The following LRP1B variants were observed in gnomAD, a reference collection of about 807,000 sequenced individuals.
LRP1B encodes the protein LDL receptor related protein 1B.
In LRP1B, 217 loss-of-function variants were observed where a neutral mutation model predicts 556.6. That is an observed-to-expected ratio of 0.39 (90% CI 0.35 to 0.44). The LOEUF is 0.44. LRP1B is among the 20% of genes least tolerant of loss of function. The probability of loss-of-function intolerance (pLI) is 1.00; values close to 1 mark genes in which losing one functional copy is unlikely to be tolerated. For synonymous variants in LRP1B, 2,047 were observed against 1,865.8 expected (o/e 1.10, Z -2.50); for missense variants, 5,053 against 5,620.8 (o/e 0.90, Z 3.23).
intron 72 of LRP1B, among the ~76,000 whole-genome samples, chr2:140,364,115 A>G (rs980231408): frequency 6.6e-6 from 1 of 151,648 alleles, no homozygotes; most frequent in Non-Finnish European, 1.5e-5. Context: ...ACTTTTGTTA[A>G]GACTTTTTAA....
chr2:141,008,736 CAT>C (rs1697652522), intron 14 of LRP1B, among the ~76,000 whole-genome samples: 1 of 151,776 alleles, frequency 6.6e-6, no homozygotes, highest in South Asian at 2.1e-4. Context: ...TAGTGCCCAG[CAT>C]AGAGTGTGTT....
intron 5 of LRP1B, among the ~76,000 whole-genome samples, chr2:141,239,074 A>G (rs1683765647): frequency 6.6e-6 from 1 of 152,102 alleles, no homozygotes; most frequent in Non-Finnish European, 1.5e-5. Flanking sequence ...AAATCAATAA[A>G]AAGATGTCTA....
At chr2:140,233,904 A>C (rs1680579138) in intron 90 of LRP1B, among the ~76,000 whole-genome samples, 1 of 151,362 alleles carries the variant, frequency 6.6e-6, no homozygotes, top group Non-Finnish European at 1.5e-5. Flanking sequence ...AAGAATTGTG[A>C]TGTACACAGT....
intron 5 of LRP1B, among the ~76,000 whole-genome samples, chr2:141,235,013 T>C (rs957783545): frequency 3.9e-5 from 6 of 152,102 alleles, no homozygotes; most frequent in Admixed American, 2.0e-4. Flanking sequence ...AAAAGCTCTT[T>C]ACCAAAATGA....
intron 18 of LRP1B, among the ~76,000 whole-genome samples, chr2:140,973,159 C>T (rs2105332129): frequency 6.7e-6 from 1 of 150,348 alleles, no homozygotes; most frequent in East Asian, 2.0e-4. Context: ...ATCATACACT[C>T]AATATAATAG....
intron 1 of LRP1B, among the ~76,000 whole-genome samples, chr2:142,067,322 C>T (rs1477475944): frequency 6.6e-6 from 1 of 151,302 alleles, no homozygotes; most frequent in East Asian, 1.9e-4. Context: ...ATTTATTCTG[C>T]CTACCATGAG....
At chr2:140,683,644 C>T (rs1031789912) in intron 41 of LRP1B, 4 of 692,532 alleles carry the variant, frequency 5.8e-6, no homozygotes, top group Middle Eastern at 2.6e-4. Context: ...GTATTCCATC[C>T]GAGTCCTCCG....
chr2:140,948,087 T>C (rs1008489669), intron 20 of LRP1B, among the ~76,000 whole-genome samples: 18 of 152,154 alleles, frequency 1.2e-4, no homozygotes, highest in African/African-American at 4.1e-4. Flanking sequence ...AAGCAATCTT[T>C]TAAAAATTTC....
At chr2:141,914,778 GA>G (rs1179448088) in intron 1 of LRP1B, among the ~76,000 whole-genome samples, 1 of 151,922 alleles carries the variant, frequency 6.6e-6, no homozygotes, top group East Asian at 1.9e-4. Context: ...ACACACCTAG[GA>G]ATACATCTAA....
At chr2:141,353,581 G>A (rs1303637988) in intron 3 of LRP1B, among the ~76,000 whole-genome samples, 1 of 151,810 alleles carries the variant, frequency 6.6e-6, no homozygotes, top group African/African-American at 2.4e-5. Context: ...TAAGCATTGG[G>A]AACTGTGAAT....
intron 1 of LRP1B, among the ~76,000 whole-genome samples, chr2:141,951,017 T>A (rs1029268190): frequency 2.6e-5 from 4 of 152,162 alleles, no homozygotes; most frequent in Non-Finnish European, 5.9e-5. Context: ...AGAACTGATT[T>A]CTGTACAGTA....
At chr2:141,167,307 ATCT>A (rs2105129978) in intron 7 of LRP1B, 1 of 152,044 alleles carries the variant, frequency 6.6e-6, no homozygotes, top group Admixed American at 6.6e-5. Context: ...AGACAGAAGA[ATCT>A]TCTTTGTATC....
At chr2:141,853,853 G>A (rs1697950696) in intron 1 of LRP1B, among the ~76,000 whole-genome samples, 1 of 151,840 alleles carries the variant, frequency 6.6e-6, no homozygotes, top group South Asian at 2.1e-4. Flanking sequence ...TTTGAGTATT[G>A]GCACATTTAT....
intron 1 of LRP1B, among the ~76,000 whole-genome samples, chr2:141,845,854 A>G (rs1697628039): frequency 6.6e-6 from 1 of 151,968 alleles, no homozygotes; most frequent in South Asian, 2.1e-4. Context: ...AAAGAAAACA[A>G]TTACTTTTTA....
At chr2:141,748,459 G>A (rs1278402032) in intron 2 of LRP1B, among the ~76,000 whole-genome samples, 1 of 152,144 alleles carries the variant, frequency 6.6e-6, no homozygotes, top group Admixed American at 6.6e-5. Context: ...AAGATAATAA[G>A]TGTAGCTTCT....
At chr2:141,234,173 G>GT (rs146076579) in intron 5 of LRP1B, among the ~76,000 whole-genome samples, 16,625 of 150,218 alleles carry the variant, frequency 0.11, 1,017 homozygotes, top group East Asian at 0.16. Flanking sequence ...ATTGAAAGAG[G>GT]TTTTTTTTTC....
chr2:141,112,763 A>G (rs1292051548), intron 7 of LRP1B, among the ~76,000 whole-genome samples: 1 of 152,214 alleles, frequency 6.6e-6, no homozygotes, highest in Admixed American at 6.5e-5. Flanking sequence ...TGTCTAGGTA[A>G]CTTTACTGAA....
At chr2:141,868,794 G>T (rs563021062) in intron 1 of LRP1B, among the ~76,000 whole-genome samples, 1 of 152,142 alleles carries the variant, frequency 6.6e-6, no homozygotes, top group East Asian at 1.9e-4. Flanking sequence ...TGATGAAAAT[G>T]GCAGTCACCT....
At chr2:141,554,986 C>T (rs1168124265) in intron 2 of LRP1B, among the ~76,000 whole-genome samples, 1 of 151,884 alleles carries the variant, frequency 6.6e-6, no homozygotes. Flanking sequence ...ACTGCGTAAC[C>T]TAATAGCACC....
Sources: allele counts gnomAD v4.1 joint callset (sites outside exome capture counted in the v4.1 genomes callset), GRCh38; gene constraint gnomAD v4.1.1; transcripts MANE v1.5; gene names NCBI Gene and HGNC (gene_info 2026-07-23, HGNC 2026-07-21).